PSD3: variants seen among roughly 807,000 people sequenced by gnomAD.
The protein encoded by PSD3 is pleckstrin and Sec7 domain containing 3, also known as PH and SEC7 domain-containing protein 3.
Under a neutral mutation model 105.5 loss-of-function variants are expected in PSD3, and 49 were observed. The observed-to-expected ratio is 0.46, with a 90% CI of 0.37 to 0.59. The LOEUF (loss-of-function observed/expected upper bound fraction) is 0.59. Among genes scored for constraint, PSD3 ranks in the 20% least tolerant of loss-of-function variants. The probability of loss-of-function intolerance (pLI) is 0.00; values close to 1 mark genes in which losing one functional copy is unlikely to be tolerated. For synonymous variants in PSD3, 557 were observed against 457.8 expected, an observed-to-expected ratio of 1.22 and a Z score of -2.77; for missense variants, 1,561 against 1,263.8, an observed-to-expected ratio of 1.24 and a Z score of -3.57.
rs1804348232 is a variant in PSD3, at chr8:18,600,373, G to A, written c.2472C>T (p.Tyr824=). The A allele has an allele frequency of 6.2e-7, 1 of 1,609,448 alleles. No individual in the cohort carries two copies. Among genetic ancestry groups the A allele is most frequent in the Non-Finnish European group, 8.5e-7 (1 of 1,178,416 alleles). The change falls in exon 12 of 16, where the codon TAC becomes TAT. Residue 824 remains tyrosine (Y), a synonymous_variant. Coordinates refer to ENST00000327040, the MANE Select transcript of PSD3 (RefSeq NM_015310.4). ...TCTGCTTTACTTTTACCTTTTGCAA[G>A]TAAAGAACTGTTCCCTTCAGTACAG... The part of the protein sequence containing the change: ...FYAVLKGTVL[Y]LQKDEYKPEK...
At chr8:18,555,112 T>A (rs1800987608) in intron 15 of PSD3, among the ~76,000 whole-genome samples, 1 of 151,948 alleles carries the variant, frequency 6.6e-6, no homozygotes, top group African/African-American at 2.4e-5. Flanking sequence ...AGCAGAGGAA[T>A]GCCGTCATCT....
At chr8:18,588,338 T>A (rs1803347812) in intron 12 of PSD3, among the ~76,000 whole-genome samples, 1 of 152,190 alleles carries the variant, frequency 6.6e-6, no homozygotes, top group African/African-American at 2.4e-5. Flanking sequence ...AAGCTTCCAT[T>A]GATTGAGGAA....
At chr8:19,015,848 A>G (rs1054628244), upstream of PSD3, among the ~76,000 whole-genome samples, 2 of 152,244 alleles carry the variant, frequency 1.3e-5, no homozygotes, top group Non-Finnish European at 2.9e-5. Context: ...ATGTGTTTCC[A>G]ATTTCCATCG....
At chr8:18,868,170 C>A in intron 3 of PSD3, 101 bp from the exon 4 acceptor site, 1 of 1,261,536 alleles carries the variant, frequency 7.9e-7, no homozygotes, top group Non-Finnish European at 1.1e-6. Flanking sequence ...AGATCTAACT[C>A]TTCTATTCAT....
In PSD3 at chr8:19,013,689, G is replaced by T; in HGVS notation, c.-106C>A. 1 of 1,047,250 alleles carries T rather than the reference G, an allele frequency of 9.5e-7. No individual in the cohort carries two copies. Among genetic ancestry groups the T allele is most frequent in the Non-Finnish European group, 1.2e-6 (1 of 835,876 alleles). The allele number at this position is 1,047,250 out of a possible 1,614,324, so 64.9% of individuals were successfully genotyped here. A position where few individuals can be genotyped will look rare whatever the true frequency, so the allele number is the denominator to read the frequency against. ...GCCAGCGCCGCGTGCTCTTTGTTGA[G>T]CTCCCGGGACTGCCGAGAGGCGGCG... is the stretch of plus-strand genomic sequence containing the variant. On this transcript the variant is annotated 5_prime_UTR_variant, in exon 1 of 16. Transcript: ENST00000327040.
At chr8:18,975,534 T>C (rs993931398) in intron 1 of PSD3, among the ~76,000 whole-genome samples, 3 of 152,146 alleles carry the variant, frequency 2.0e-5, no homozygotes, top group African/African-American at 7.2e-5. Flanking sequence ...CCTCATTCTT[T>C]ATCCATAAGA....
intron 9 of PSD3, among the ~76,000 whole-genome samples, chr8:18,745,236 T>C (rs999255156): frequency 3.3e-5 from 5 of 152,236 alleles, no homozygotes; most frequent in Non-Finnish European, 5.9e-5. Context: ...CTAACTTTCA[T>C]CTACTAAATT....
At chr8:18,847,606 T>C (rs1048263340) in intron 4 of PSD3, among the ~76,000 whole-genome samples, 4 of 152,228 alleles carry the variant, frequency 2.6e-5, no homozygotes, top group African/African-American at 9.6e-5. Context: ...CGTCAAGTAA[T>C]GAGTTTTCAG....
chr8:18,801,825 T>C (rs1016535133), intron 6 of PSD3, among the ~76,000 whole-genome samples: 3 of 151,866 alleles, frequency 2.0e-5, no homozygotes, highest in East Asian at 1.9e-4. Flanking sequence ...GAGACTCCGT[T>C]TCAAAAGAAA....
chr8:18,856,867 G>A (rs560237860), intron 4 of PSD3, among the ~76,000 whole-genome samples: 1 of 152,252 alleles, frequency 6.6e-6, no homozygotes, highest in African/African-American at 2.4e-5. Context: ...ACTGATAATA[G>A]CCAACATTTA....
chr8:18,939,459 AATG>A lies in PSD3; in HGVS notation c.22-3320_22-3318del, dbSNP rs1822378278. On this transcript the variant is annotated intron_variant, in intron 1 of 15. Transcript: ENST00000327040. ...ATATGTATACTCGTCCCTAGTTTGA[AATG>A]ATAATAGTTACTAGACTCACCATTA... is the stretch of plus-strand genomic sequence containing the variant. Among the ~76,000 whole-genome samples, 4 of 152,298 alleles carry A rather than the reference AATG, an allele frequency of 2.6e-5. No individual in the cohort carries two copies. The South Asian group carries it at 8.3e-4, about 32-fold the overall frequency.
intron 9 of PSD3, among the ~76,000 whole-genome samples, chr8:18,744,973 T>C: frequency 6.6e-6 from 1 of 152,216 alleles, no homozygotes; most frequent in Non-Finnish European, 1.5e-5. Context: ...GTTTGGCTGC[T>C]GTTTTCTCAT....
chr8:18,995,846 C>G (rs1826050914), intron 1 of PSD3, among the ~76,000 whole-genome samples: 2 of 151,900 alleles, frequency 1.3e-5, no homozygotes. Flanking sequence ...CCCCATGATT[C>G]AATTACCTCC....
chr8:18,949,872 T>C (rs1056037890), intron 1 of PSD3, among the ~76,000 whole-genome samples: 2 of 151,850 alleles, frequency 1.3e-5, no homozygotes, highest in African/African-American at 4.8e-5. Context: ...ATAAATTTTT[T>C]CATCATATTT....
intron 8 of PSD3, among the ~76,000 whole-genome samples, chr8:18,767,998 C>G (rs573833473): frequency 2.0e-5 from 3 of 150,310 alleles, no homozygotes; most frequent in Non-Finnish European, 1.5e-5. Context: ...AGGCCGGGCG[C>G]GGTGGCTCAC....
intron 1 of PSD3, among the ~76,000 whole-genome samples, chr8:19,031,501 A>G (rs1827767879): frequency 6.6e-6 from 1 of 152,202 alleles, no homozygotes; most frequent in African/African-American, 2.4e-5. Context: ...AAGTCCTTCT[A>G]TAATATTTTC....
intron 9 of PSD3, among the ~76,000 whole-genome samples, chr8:18,744,023 C>A (rs1438160743): frequency 6.8e-6 from 1 of 147,538 alleles, no homozygotes; most frequent in East Asian, 2.1e-4. Flanking sequence ...ATATGCTGCT[C>A]CCCTGACATC....
chr8:18,825,004 C>A (rs753087072), intron 4 of PSD3, among the ~76,000 whole-genome samples: 10 of 152,130 alleles, frequency 6.6e-5, no homozygotes, highest in Admixed American at 1.3e-4. Flanking sequence ...TACACACATA[C>A]AATGTTTTAA....
At chr8:18,830,817 G>A (rs2053256541) in intron 4 of PSD3, among the ~76,000 whole-genome samples, 2 of 152,112 alleles carry the variant, frequency 1.3e-5, no homozygotes, top group Admixed American at 1.3e-4. Context: ...ATCACAGACT[G>A]GATTCTTTCA....
Sources: gnomAD v4.1 joint callset for allele counts (sites outside exome capture counted in the v4.1 genomes callset) on GRCh38, gnomAD v4.1.1 for gene constraint, MANE v1.5 for transcripts, NCBI Gene and HGNC (gene_info 2026-07-23, HGNC 2026-07-21) for gene names.